The following KCNH5 variants were observed in gnomAD, a reference collection of about 807,000 sequenced individuals.
The protein encoded by KCNH5 is voltage-gated delayed rectifier potassium channel KCNH5.
KCNH5 carries 46 observed loss-of-function variants against 96.1 expected under a neutral mutation model. The ratio of observed to expected loss-of-function variants is 0.48; its 90% CI spans 0.38 to 0.61. The LOEUF (loss-of-function observed/expected upper bound fraction) is 0.61. Ranked by LOEUF, KCNH5 falls within the 20% of genes least tolerant of loss-of-function variation. The pLI is 0.00. For missense variants in KCNH5, 907 were observed against 1,225.8 expected, an observed-to-expected ratio of 0.74 and a Z score of 3.88; for synonymous variants, 439 against 449.8, an observed-to-expected ratio of 0.98 and a Z score of 0.30.
intron 1 of KCNH5, among the ~76,000 whole-genome samples, chr14:63,029,789 A>C (rs191316313): frequency 5.0e-4 from 76 of 152,190 alleles, no homozygotes; most frequent in African/African-American, 1.8e-3. Context: ...TATGTATATG[A>C]AATATTCATA....
intron 9 of KCNH5, 126 bp from the exon 10 acceptor site, chr14:62,780,050 T>G: frequency 1.7e-6 from 1 of 595,422 alleles, no homozygotes. Context: ...TATAACCACA[T>G]CTATAAACAC....
intron 7 of KCNH5, among the ~76,000 whole-genome samples, chr14:62,882,237 C>T (rs1410787056): frequency 4.6e-5 from 7 of 151,646 alleles, no homozygotes; most frequent in African/African-American, 1.7e-4. Flanking sequence ...TACTCTAGCC[C>T]GGGTGACAGA....
chr14:62,840,686 T>A (rs1178056353), intron 8 of KCNH5, among the ~76,000 whole-genome samples: 1 of 148,534 alleles, frequency 6.7e-6, no homozygotes, highest in Non-Finnish European at 1.5e-5. Flanking sequence ...TTCTCCTGTC[T>A]CAGCCTCCGA....
At chr14:62,858,291 AC>A (rs772121590) in intron 7 of KCNH5, among the ~76,000 whole-genome samples, 2 of 152,170 alleles carry the variant, frequency 1.3e-5, no homozygotes, top group African/African-American at 2.4e-5. Context: ...TGGTGGAGTG[AC>A]CCAAACCTTC....
rs763982212 is a variant in KCNH5, at chr14:62,987,173, C to A, written c.448G>T (p.Ala150Ser). 1 of 1,613,166 alleles carries A rather than the reference C, an allele frequency of 6.2e-7. No individual in the cohort carries two copies. Reference protein sequence around the residue: ...DDSTKGWTKFARLTRALTNSR... With the variant: ...DDSTKGWTKFSRLTRALTNSR... ...TTTGTCAAAGCCCGTGTCAATCGGG[C>A]AAATTTCGTCCAACCTTAAAAATAA... The change falls in exon 5 of 11, where the codon GCC (alanine) becomes TCC (serine). Residue 150 changes from alanine (A) to serine (S), a missense_variant. Ala to Ser is a moderately conservative substitution (Grantham distance 99). Around this residue, in one of 6 missense-constraint regions of KCNH5, gnomAD observed 370 missense variants for 561.3 expected, o/e 0.66. Transcript: ENST00000322893.
intron 7 of KCNH5, among the ~76,000 whole-genome samples, chr14:62,883,030 C>T (rs1177584183): frequency 2.0e-5 from 3 of 152,182 alleles, no homozygotes; most frequent in Non-Finnish European, 2.9e-5. Context: ...AATCTCTAAA[C>T]ATCAGATTCA....
intron 9 of KCNH5, among the ~76,000 whole-genome samples, chr14:62,799,781 T>C (rs1207424802): frequency 7.2e-6 from 1 of 139,496 alleles, no homozygotes; most frequent in Non-Finnish European, 1.5e-5. Flanking sequence ...TTTAATATTT[T>C]ATATATTTAA....
intron 10 of KCNH5, among the ~76,000 whole-genome samples, chr14:62,714,332 A>G (rs574178745): frequency 4.2e-4 from 64 of 152,314 alleles, no homozygotes; most frequent in African/African-American, 1.3e-3. Context: ...TTTATTTTTA[A>G]CATGCATATA....
chr14:62,755,975 A>G (rs1885614532), intron 10 of KCNH5, among the ~76,000 whole-genome samples: 1 of 152,116 alleles, frequency 6.6e-6, no homozygotes, highest in Non-Finnish European at 1.5e-5. Flanking sequence ...AATAAAAACC[A>G]TATATTATAG....
chr14:62,964,946 T>A (rs528996544), intron 6 of KCNH5, among the ~76,000 whole-genome samples: 5 of 152,138 alleles, frequency 3.3e-5, no homozygotes, highest in Non-Finnish European at 7.4e-5. Flanking sequence ...CGGTCTTGAA[T>A]AAAGTCTTTG....
At chr14:62,991,527 T>C (rs1378904193) in intron 4 of KCNH5, among the ~76,000 whole-genome samples, 2 of 152,056 alleles carry the variant, frequency 1.3e-5, no homozygotes, top group Middle Eastern at 3.4e-3. Context: ...CCAAAGGCGG[T>C]TGTAAAATTG....
chr14:62,705,971 T>C lies in KCNH5; in HGVS notation c.*1537A>G, dbSNP rs75035722. The stretch of plus-strand genomic sequence containing the variant: ...CTCCCCTGCTCCCCATATTAAATGC[T>C]GTGCATGCACTGACTGAAAAGTATG... On this transcript the variant is annotated 3_prime_UTR_variant, in exon 11 of 11. Coordinates refer to ENST00000322893, the MANE Select transcript of KCNH5 (RefSeq NM_139318.5). 14,257 of 152,172 alleles carry C rather than the reference T, an allele frequency of 0.094. 778 individuals carry two copies. Among genetic ancestry groups the C allele is most frequent in the Non-Finnish European group, 0.12 (8,324 of 67,918 alleles). The allele number at this position is 152,172 out of a possible 1,614,324, so 9.4% of individuals were successfully genotyped here.
intron 7 of KCNH5, among the ~76,000 whole-genome samples, chr14:62,943,389 T>C (rs931700996): frequency 6.6e-6 from 1 of 152,178 alleles, no homozygotes; most frequent in African/African-American, 2.4e-5. Flanking sequence ...ATCCACGTAC[T>C]ATGGTGCCTT....
intron 7 of KCNH5, among the ~76,000 whole-genome samples, chr14:62,882,758 A>C (rs556848329): frequency 6.6e-6 from 1 of 152,294 alleles, no homozygotes; most frequent in East Asian, 1.9e-4. Flanking sequence ...TTAATTGAGG[A>C]ACATAACTCT....
intron 7 of KCNH5, among the ~76,000 whole-genome samples, chr14:62,927,919 T>C (rs768880087): frequency 1.3e-5 from 2 of 152,090 alleles, no homozygotes; most frequent in Non-Finnish European, 2.9e-5. Context: ...AATGATGGGT[T>C]GTGAAGAAAA....
chr14:62,784,644 T>C (rs1025690447), intron 9 of KCNH5, among the ~76,000 whole-genome samples: 3 of 152,204 alleles, frequency 2.0e-5, no homozygotes, highest in Non-Finnish European at 4.4e-5. Context: ...TAAATATTCA[T>C]TGATTATTAA....
intron 6 of KCNH5, among the ~76,000 whole-genome samples, chr14:62,973,665 T>C (rs924763016): frequency 5.9e-5 from 9 of 152,214 alleles, no homozygotes; most frequent in Admixed American, 6.5e-5. Context: ...TATTTTGCTA[T>C]GGCAGCACAT....
At chr14:63,001,551 C>A in intron 3 of KCNH5, 92 bp from the exon 4 acceptor site, 1 of 1,203,940 alleles carries the variant, frequency 8.3e-7, no homozygotes. Flanking sequence ...CCTTCAGCTG[C>A]CAACAGCTGT....
chr14:62,738,493 T>C lies in KCNH5; in HGVS notation c.2020-30038A>G, dbSNP rs1015397197. Among the ~76,000 whole-genome samples the C allele has an allele frequency of 4.6e-5, 7 of 152,108 alleles. No homozygotes were observed. The South Asian group carries it at 6.2e-4, about 14-fold the overall frequency. ...CTCAATATTACTGGCTGAAAGTGTA[T>C]CATCTCATATAAATAATAACAAAAC... is the stretch of plus-strand genomic sequence containing the variant. On this transcript the variant is annotated intron_variant, in intron 10 of 10. Coordinates refer to ENST00000322893, the MANE Select transcript of KCNH5 (RefSeq NM_139318.5).
Sources: gnomAD v4.1 joint callset for allele counts (sites outside exome capture counted in the v4.1 genomes callset) on GRCh38, gnomAD v4.1.1 for gene constraint, gnomAD v4.1.1 regional missense constraint, MANE v1.5 for transcripts, NCBI Gene and HGNC (gene_info 2026-07-23, HGNC 2026-07-21) for gene names.